Variants in NPAS3 observed in about 807,000 individuals in gnomAD.
The protein encoded by NPAS3 is neuronal PAS domain protein 3, also known as neuronal PAS domain-containing protein 3.
NPAS3 carries 14 observed loss-of-function variants against 73.1 expected under a neutral mutation model. That is an observed-to-expected ratio of 0.19 (90% CI 0.13 to 0.30). The LOEUF is 0.30. Among genes scored for constraint, NPAS3 ranks in the 10% least tolerant of loss-of-function variants. The probability of loss-of-function intolerance (pLI) is 1.00; values close to 1 mark genes in which losing one functional copy is unlikely to be tolerated. For missense variants in NPAS3, 1,096 were observed against 1,250.0 expected (o/e 0.88, Z 1.86); for synonymous variants, 620 against 541.5 (o/e 1.14, Z -2.01).
At chr14:33,735,472 T>A (rs2061500044) in intron 7 of NPAS3, 140 bp downstream of exon 7, 1 of 672,024 alleles carries the variant, frequency 1.5e-6, no homozygotes, top group African/African-American at 1.8e-5. Context: ...GTCATCTTCC[T>A]GTCTCAAGGC....
At chr14:33,212,398 G>A (rs528192624) in intron 2 of NPAS3, among the ~76,000 whole-genome samples, 4 of 152,068 alleles carry the variant, frequency 2.6e-5, no homozygotes, top group Non-Finnish European at 5.9e-5. Context: ...CTAATAGGGG[G>A]ACACCATGTG....
intron 2 of NPAS3, among the ~76,000 whole-genome samples, chr14:33,090,717 A>C (rs2042195615): frequency 6.6e-6 from 1 of 152,180 alleles, no homozygotes; most frequent in Non-Finnish European, 1.5e-5. Context: ...ACCACATCAC[A>C]CTTATTCCAA....
intron 2 of NPAS3, among the ~76,000 whole-genome samples, chr14:33,113,390 TGTAA>T (rs2042960163): frequency 6.6e-6 from 1 of 152,286 alleles, no homozygotes; most frequent in Middle Eastern, 3.4e-3. Context: ...TCACGTCCCT[TGTAA>T]GTTGGATTCC....
intron 5 of NPAS3, among the ~76,000 whole-genome samples, chr14:33,672,621 T>G (rs1030346682): frequency 2.6e-5 from 4 of 152,084 alleles, no homozygotes; most frequent in African/African-American, 9.7e-5. Context: ...TTGCTGTCTG[T>G]AGTCTATTTT....
chr14:33,284,281 C>A (rs76404958), intron 3 of NPAS3, among the ~76,000 whole-genome samples: 1 of 152,016 alleles, frequency 6.6e-6, no homozygotes, highest in African/African-American at 2.4e-5. Context: ...TGGGGTCATA[C>A]TTTAGATGAC....
At chr14:33,124,179 T>C (rs1419749345) in intron 2 of NPAS3, among the ~76,000 whole-genome samples, 2 of 152,056 alleles carry the variant, frequency 1.3e-5, no homozygotes, top group South Asian at 2.1e-4. Flanking sequence ...AGAGGAAAGA[T>C]TGTGTACATT....
intron 4 of NPAS3, among the ~76,000 whole-genome samples, chr14:33,503,738 A>G (rs2052627127): frequency 2.6e-5 from 4 of 152,004 alleles, no homozygotes; most frequent in Admixed American, 2.6e-4. Flanking sequence ...CCCCTGCCAG[A>G]ACAGATGAAG....
intron 1 of NPAS3, among the ~76,000 whole-genome samples, chr14:32,966,318 A>C (rs2037156333): frequency 6.6e-6 from 1 of 152,206 alleles, no homozygotes; most frequent in Non-Finnish European, 1.5e-5. Flanking sequence ...AAAGAGTAGT[A>C]ACCAAACACT....
At chr14:33,329,829 A>C (rs774783418) in intron 3 of NPAS3, among the ~76,000 whole-genome samples, 6 of 152,026 alleles carry the variant, frequency 3.9e-5, no homozygotes, top group Non-Finnish European at 8.8e-5. Flanking sequence ...TGTGTGTGAG[A>C]GAGAGAGAGA....
At chr14:32,962,407 TTAA>T (rs980205778) in intron 1 of NPAS3, among the ~76,000 whole-genome samples, 1 of 151,614 alleles carries the variant, frequency 6.6e-6, no homozygotes, top group Admixed American at 6.6e-5. Context: ...TTAAAATGTC[TTAA>T]TAAGAAGATA....
At chr14:33,694,203 A>T (rs572415994) in intron 6 of NPAS3, among the ~76,000 whole-genome samples, 2 of 152,296 alleles carry the variant, frequency 1.3e-5, no homozygotes, top group East Asian at 3.9e-4. Context: ...GTGGAGTTCC[A>T]TGCTACCATT....
At chr14:33,263,060 T>C (rs1207399492) in intron 3 of NPAS3, among the ~76,000 whole-genome samples, 1 of 152,220 alleles carries the variant, frequency 6.6e-6, no homozygotes, top group Non-Finnish European at 1.5e-5. Context: ...TTTCTCCCAT[T>C]CTATAGGTTG....
chr14:33,043,832 A>G (rs1346491699), intron 1 of NPAS3, among the ~76,000 whole-genome samples: 1 of 152,040 alleles, frequency 6.6e-6, no homozygotes, highest in African/African-American at 2.4e-5. Flanking sequence ...AAAAAAAAAA[A>G]CAACTTCCCA....
At chr14:33,739,570 A>C (rs2061605631) in intron 7 of NPAS3, among the ~76,000 whole-genome samples, 1 of 152,198 alleles carries the variant, frequency 6.6e-6, no homozygotes, top group Admixed American at 6.6e-5. Flanking sequence ...TTGTTACTAG[A>C]ACTTCATAGT....
intron 1 of NPAS3, among the ~76,000 whole-genome samples, chr14:32,944,691 A>G (rs1425882976): frequency 1.3e-5 from 2 of 152,240 alleles, no homozygotes; most frequent in Non-Finnish European, 2.9e-5. Context: ...AAGAATGTGT[A>G]GTAATATTAG....
intron 7 of NPAS3, among the ~76,000 whole-genome samples, chr14:33,743,954 T>C (rs73260611): frequency 0.021 from 3,199 of 152,354 alleles, 90 homozygotes; most frequent in African/African-American, 0.073. Context: ...AGATAAAAGG[T>C]CTTGCTCTGG....
chr14:33,167,011 A>T (rs1457964581), intron 2 of NPAS3, among the ~76,000 whole-genome samples: 1 of 152,128 alleles, frequency 6.6e-6, no homozygotes, highest in Non-Finnish European at 1.5e-5. Flanking sequence ...CATGGTTTAG[A>T]TCATTTTAAT....
chr14:33,526,968 T>C (rs1315610760), intron 4 of NPAS3, among the ~76,000 whole-genome samples: 2 of 152,138 alleles, frequency 1.3e-5, no homozygotes, highest in Non-Finnish European at 2.9e-5. Context: ...CAGCACCTAC[T>C]ATGTAAAGAC....
intron 2 of NPAS3, among the ~76,000 whole-genome samples, chr14:33,197,068 A>G (rs956295092): frequency 1.3e-5 from 2 of 152,214 alleles, no homozygotes; most frequent in African/African-American, 2.4e-5. Flanking sequence ...TTCTAGTGAC[A>G]TGAGCAAATC....
Sources: allele counts gnomAD v4.1 joint callset (sites outside exome capture counted in the v4.1 genomes callset), GRCh38; gene constraint gnomAD v4.1.1; transcripts MANE v1.5; gene names NCBI Gene and HGNC (gene_info 2026-07-23, HGNC 2026-07-21).